NRXN3: variants seen among roughly 807,000 people sequenced by gnomAD.
NRXN3 encodes the protein neurexin 3.
Under a neutral mutation model 137.6 loss-of-function variants are expected in NRXN3, and 32 were observed. The ratio of observed to expected loss-of-function variants is 0.23; its 90% confidence interval spans 0.18 to 0.31. The LOEUF is 0.31. Among genes scored for constraint, NRXN3 ranks in the 10% least tolerant of loss-of-function variants. The pLI is 1.00. For missense variants in NRXN3, 1,574 were observed against 2,062.5 expected (o/e 0.76, Z 4.59); for synonymous variants, 798 against 784.5 (o/e 1.02, Z -0.29).
At chr14:78,651,367 T>C (rs749280309) in intron 6 of NRXN3, 41 bp downstream of exon 6, 1 of 1,593,530 alleles carries the variant, frequency 6.3e-7, no homozygotes, top group Non-Finnish European at 8.6e-7. Context: ...CATGTGATTG[T>C]TTCATTTATA....
At chr14:78,487,122 T>C (rs1335046963) in intron 4 of NRXN3, among the ~76,000 whole-genome samples, 1 of 152,208 alleles carries the variant, frequency 6.6e-6, no homozygotes, top group Non-Finnish European at 1.5e-5. Flanking sequence ...TGGCTTTAGA[T>C]CTATGATATG....
intron 19 of NRXN3, among the ~76,000 whole-genome samples, chr14:79,706,244 C>T (rs974572814): frequency 6.6e-6 from 1 of 152,198 alleles, no homozygotes; most frequent in Non-Finnish European, 1.5e-5. Context: ...CTAATTCTAG[C>T]ACGTATAGTT....
intron 15 of NRXN3, among the ~76,000 whole-genome samples, chr14:79,415,677 A>G (rs930473328): frequency 6.6e-6 from 1 of 152,152 alleles, no homozygotes; most frequent in African/African-American, 2.4e-5. Flanking sequence ...CTGTCACTCT[A>G]TGACCTGTTG....
chr14:78,431,403 A>G (rs184638526), intron 4 of NRXN3, among the ~76,000 whole-genome samples: 1 of 152,340 alleles, frequency 6.6e-6, no homozygotes, highest in African/African-American at 2.4e-5. Context: ...ATGTTCCCTA[A>G]GGGTATGGCA....
rs74704095 is a variant in NRXN3, at chr14:78,300,373, G to A, written c.757+2513G>A. ...ATGCAGACTTTGTCATGTTTCTGAG[G>A]ATGGGACTGAGAAGAAATGAATGGG... On this transcript the variant is annotated intron_variant, in intron 4 of 20. Coordinates refer to ENST00000335750, the MANE Select transcript of NRXN3 (RefSeq NM_001330195.2). Among the ~76,000 whole-genome samples the A allele has an allele frequency of 6.5e-3, 983 of 152,370 alleles. 9 individuals are homozygous for A. Among genetic ancestry groups the A allele is most frequent in the African/African-American group, 0.023 (954 of 41,592 alleles).
chr14:78,473,256 G>T (rs2095313787), intron 4 of NRXN3, among the ~76,000 whole-genome samples: 1 of 151,988 alleles, frequency 6.6e-6, no homozygotes, highest in Non-Finnish European at 1.5e-5. Flanking sequence ...CAAAAAATTA[G>T]CTGGGCGTGG....
At position 79,798,104 on chromosome 14, in the gene NRXN3, G is replaced by GA. The variant is rs1323612240; in HGVS notation, c.4015-6994dup. 2.0e-3 allele frequency among the ~76,000 whole-genome samples: 262 copies of GA among 133,036 alleles called. 1 individual carries two copies. Among genetic ancestry groups the GA allele is most frequent in the East Asian group, 6.1e-3 (28 of 4,568 alleles). The allele number at this position is 133,036 out of a possible 152,430, so 87.3% of individuals were successfully genotyped here. On this transcript the variant is annotated intron_variant, in intron 19 of 20. Coordinates refer to ENST00000335750, the MANE Select transcript of NRXN3 (RefSeq NM_001330195.2). Reference sequence around the variant, plus strand: ...TGACTGAGAGAGACCCTGTCTCAAGGAAAAAAAAAAAAAATCATCCAGTTG... The same window carrying GA: ...TGACTGAGAGAGACCCTGTCTCAAGGAAAAAAAAAAAAAAATCATCCAGTTG...
Position 78,270,118 on chromosome 14 carries a change from G to A in NRXN3, c.710-8527G>A, listed in dbSNP as rs114147275. ...GATTGGCTAACATGCCTGAGCTCATGTGTGCAAGAGCCAGGATTGTCATCC... is the reference window on the plus strand; with the variant it reads ...GATTGGCTAACATGCCTGAGCTCATATGTGCAAGAGCCAGGATTGTCATCC... On this transcript the variant is annotated intron_variant, in intron 2 of 20. Transcript: ENST00000335750. Among the ~76,000 whole-genome samples, 1,094 of 152,276 alleles carry A rather than the reference G, an allele frequency of 7.2e-3. 13 individuals are homozygous for A. The highest frequency in any genetic ancestry group is 0.025 in the African/African-American group (1,032 of 41,558).
rs118154352 is a variant in NRXN3, at chr14:79,278,935, A to G, written c.3263-188286A>G. Among the ~76,000 whole-genome samples, 78 of 152,334 alleles carry G rather than the reference A, an allele frequency of 5.1e-4. 1 individual carries two copies. In the East Asian group the frequency reaches 0.014, roughly 28 times the overall value. On this transcript the variant is annotated intron_variant, in intron 15 of 20. Coordinates refer to ENST00000335750, the MANE Select transcript of NRXN3 (RefSeq NM_001330195.2). ...CGGCACCACCGCGTGCAGCAGCTCC[A>G]GCGCTCGCGCTGCCTCAAGGGGTTT...
intron 15 of NRXN3, among the ~76,000 whole-genome samples, chr14:79,375,847 A>C (rs2094257414): frequency 6.6e-6 from 1 of 151,958 alleles, no homozygotes; most frequent in East Asian, 1.9e-4. Context: ...GTTGAGATGA[A>C]ATTTGACTTG....
At chr14:79,733,700 T>A (rs1343626223) in intron 19 of NRXN3, among the ~76,000 whole-genome samples, 1 of 151,816 alleles carries the variant, frequency 6.6e-6, no homozygotes, top group African/African-American at 2.4e-5. Flanking sequence ...TAACTGTGAT[T>A]ATTTTTTGAT....
At chr14:79,028,576 ACTGT>A (rs1380866986) in intron 15 of NRXN3, among the ~76,000 whole-genome samples, 7 of 152,312 alleles carry the variant, frequency 4.6e-5, no homozygotes, top group South Asian at 2.1e-4. Context: ...CAGATTAGAA[ACTGT>A]CTGGTGGCTA....
chr14:78,397,737 G>A (rs1385899386), intron 4 of NRXN3, among the ~76,000 whole-genome samples: 3 of 151,584 alleles, frequency 2.0e-5, no homozygotes, highest in African/African-American at 7.3e-5. Flanking sequence ...CCAAGTAGCT[G>A]GAATTACAGG....
chr14:79,527,748 G>A lies in NRXN3; in HGVS notation c.3444+60346G>A, dbSNP rs2097133851. Among the ~76,000 whole-genome samples the A allele has an allele frequency of 2.6e-5, 4 of 151,602 alleles. No individual in the cohort carries two copies. In the South Asian group the frequency reaches 8.3e-4, roughly 32 times the overall value. On this transcript the variant is annotated intron_variant, in intron 16 of 20. Coordinates refer to ENST00000335750, the MANE Select transcript of NRXN3 (RefSeq NM_001330195.2). ...ATTAGCTGGGCGTGGTGGTGCACCT[G>A]TAGTCCCAGCTACTTGGGAGGTTGA... is the stretch of plus-strand genomic sequence containing the variant.
chr14:79,070,577 G>C (rs939552894), intron 15 of NRXN3, among the ~76,000 whole-genome samples: 1 of 152,124 alleles, frequency 6.6e-6, no homozygotes, highest in Non-Finnish European at 1.5e-5. Flanking sequence ...GTGTGTGTTT[G>C]ACTATTGCTA....
At chr14:79,022,745 G>A (rs1298474052) in intron 15 of NRXN3, among the ~76,000 whole-genome samples, 1 of 152,064 alleles carries the variant, frequency 6.6e-6, no homozygotes. Context: ...TCAGCTACTT[G>A]GAGCCAAAAT....
At chr14:79,426,924 C>T (rs1233278901) in intron 15 of NRXN3, among the ~76,000 whole-genome samples, 1 of 152,022 alleles carries the variant, frequency 6.6e-6, no homozygotes, top group Non-Finnish European at 1.5e-5. Flanking sequence ...CTTTAGCCTG[C>T]GTCTGTTTTT....
Position 78,760,960 on chromosome 14 carries a change from CCAAA to C in NRXN3, c.2045-42657_2045-42654del, listed in dbSNP as rs1409095121. Among the ~76,000 whole-genome samples, 8 of 152,130 alleles carry C rather than the reference CCAAA, an allele frequency of 5.3e-5. No homozygotes were observed. The East Asian group carries it at 1.4e-3, about 26-fold the overall frequency. Reference sequence around the variant, plus strand: ...CTTTGGCTTTTCAAGGTAGTAATTACCAAACAGAGTAGTATAGATCACCGTAATG... The same window carrying C: ...CTTTGGCTTTTCAAGGTAGTAATTACCAGAGTAGTATAGATCACCGTAATG... On this transcript the variant is annotated intron_variant, in intron 8 of 20. Transcript: ENST00000335750.
chr14:78,407,571 G>A (rs538903508), intron 4 of NRXN3, among the ~76,000 whole-genome samples: 1 of 152,272 alleles, frequency 6.6e-6, no homozygotes, highest in Non-Finnish European at 1.5e-5. Flanking sequence ...GATTCAGAGG[G>A]CCCTCAGGAG....
Sources: gnomAD v4.1 joint callset for allele counts (sites outside exome capture counted in the v4.1 genomes callset) on GRCh38, gnomAD v4.1.1 for gene constraint, MANE v1.5 for transcripts, NCBI Gene and HGNC (gene_info 2026-07-23, HGNC 2026-07-21) for gene names.